The following AHRR variants were observed in gnomAD, a reference collection of about 807,000 sequenced individuals.
AHRR encodes the protein aryl hydrocarbon receptor repressor, also known as ahR repressor.
AHRR carries 28 observed loss-of-function variants against 44.0 expected under a neutral mutation model. That is an observed-to-expected ratio of 0.64 (90% CI 0.47 to 0.87). The LOEUF is 0.87. Among genes scored for constraint, AHRR ranks in the 40% least tolerant of loss-of-function variants. The probability of loss-of-function intolerance (pLI) is 0.00; values close to 1 mark genes in which losing one functional copy is unlikely to be tolerated. For synonymous variants in AHRR, 434 were observed against 407.0 expected, an observed-to-expected ratio of 1.07 and a Z score of -0.80; for missense variants, 990 against 953.9, an observed-to-expected ratio of 1.04 and a Z score of -0.50.
intron 8 of AHRR, among the ~76,000 whole-genome samples, chr5:429,323 G>C (rs1736612636): frequency 7.5e-6 from 1 of 132,762 alleles, no homozygotes; most frequent in Non-Finnish European, 1.7e-5. Context: ...GTGAGGTAGG[G>C]CCGGGGCCGC....
At chr5:328,752 C>T (rs772764973) in intron 1 of AHRR, among the ~76,000 whole-genome samples, 3 of 152,018 alleles carry the variant, frequency 2.0e-5, no homozygotes, top group African/African-American at 4.8e-5. Flanking sequence ...TTGTTGCCAT[C>T]GTTCAATTGT....
rs192267197 is a variant in AHRR at position 331,362 on chromosome 5, T to A, written c.-11+9543T>A. On this transcript the variant is annotated intron_variant, in intron 1 of 10. Coordinates refer to ENST00000684583, the MANE Select transcript of AHRR (RefSeq NM_001377236.1). ...TATAGTTGTTCATAATAGTCTCTGA[T>A]GATCTTTTGTATTTCTGTGGTATTA... Among the ~76,000 whole-genome samples the A allele has an allele frequency of 1.2e-3, 179 of 148,798 alleles. 1 individual carries two copies. Among genetic ancestry groups the A allele is most frequent in the Non-Finnish European group, 1.6e-3 (107 of 67,348 alleles).
chr5:337,842 G>A lies in AHRR; in HGVS notation c.-10-6051G>A, dbSNP rs1742196292. ...AGTTTGCTGAGTTGCCCTGTCTATG[G>A]CAGTGGTGAGCAGGAACACGAAAAA... On this transcript the variant is annotated intron_variant, in intron 1 of 10. Coordinates refer to ENST00000684583, the MANE Select transcript of AHRR (RefSeq NM_001377236.1). The surrounding 1 kb of genome is among the most constrained non-coding windows in gnomAD (Gnocchi z 4.1). Among the ~76,000 whole-genome samples the A allele has an allele frequency of 6.6e-6, 1 of 152,206 alleles. No individual in the cohort carries two copies. Among genetic ancestry groups the A allele is most frequent in the Admixed American group, 6.5e-5 (1 of 15,280 alleles).
intron 2 of AHRR, among the ~76,000 whole-genome samples, chr5:345,219 GGA>G (rs1742591870): frequency 1.5e-5 from 1 of 66,238 alleles, no homozygotes; most frequent in Non-Finnish European, 3.0e-5. Context: ...TGTGTGTGTC[GGA>G]TGATGTCCCT....
intron 2 of AHRR, among the ~76,000 whole-genome samples, chr5:351,403 G>A (rs73046934): frequency 0.021 from 3,155 of 152,274 alleles, 104 homozygotes; most frequent in African/African-American, 0.072. Context: ...CTCCATACAC[G>A]GGAATATTAC....
At chr5:376,509 A>G (rs1733665209) in intron 3 of AHRR, 101 bp from the exon 4 acceptor site, 5 of 1,265,494 alleles carry the variant, frequency 4.0e-6, no homozygotes, top group South Asian at 3.1e-5. Flanking sequence ...TCAGGTGAGA[A>G]CCGTGGGGTG....
intron 4 of AHRR, among the ~76,000 whole-genome samples, chr5:384,983 A>C (rs1050995267): frequency 4.6e-5 from 7 of 152,092 alleles, no homozygotes; most frequent in African/African-American, 1.4e-4. Context: ...GTCTCTACTA[A>C]AAATACAAAA....
intron 2 of AHRR, among the ~76,000 whole-genome samples, chr5:350,662 C>T (rs1437425000): frequency 6.6e-6 from 1 of 151,956 alleles, no homozygotes; most frequent in African/African-American, 2.4e-5. Flanking sequence ...ACAGGTGGGC[C>T]CCTCCAGCCA....
intron 1 of AHRR, among the ~76,000 whole-genome samples, chr5:335,476 G>A (rs981649895): frequency 6.6e-6 from 1 of 152,202 alleles, no homozygotes; most frequent in South Asian, 2.1e-4. Flanking sequence ...GGGTCCTCCA[G>A]GTCGCTGGAT....
At position 340,688 on chromosome 5, in the gene AHRR, ATTTTTTTTTTTTT is replaced by A. The variant is rs539789608; in HGVS notation, c.-10-3192_-10-3180del. The stretch of plus-strand genomic sequence containing the variant: ...ATTATATATATATATATATATATAT[ATTTTTTTTTTTTT>A]TTTTTTTTTTTTGAGTTGGAGTTTT... On this transcript the variant is annotated intron_variant, in intron 1 of 10. Coordinates refer to ENST00000684583, the MANE Select transcript of AHRR (RefSeq NM_001377236.1). Among the ~76,000 whole-genome samples, 4 of 12,928 alleles carry A rather than the reference ATTTTTTTTTTTTT, an allele frequency of 3.1e-4. 1 individual carries two copies. The South Asian group carries it at 0.016, about 52-fold the overall frequency. The allele number at this position is 12,928 out of a possible 152,430, so 8.5% of individuals were successfully genotyped here.
At chr5:384,969 C>G (rs1045705787) in intron 4 of AHRR, among the ~76,000 whole-genome samples, 2 of 151,704 alleles carry the variant, frequency 1.3e-5, no homozygotes, top group Non-Finnish European at 2.9e-5. Flanking sequence ...CATAGTGAAA[C>G]CCTGTCTCTA....
At chr5:341,255 T>C (rs980735776) in intron 1 of AHRR, among the ~76,000 whole-genome samples, 12 of 152,108 alleles carry the variant, frequency 7.9e-5, no homozygotes, top group African/African-American at 2.7e-4. Flanking sequence ...CCTCAGGTGA[T>C]CCACCTGCCT....
At chr5:366,450 A>G (rs201240190) in intron 3 of AHRR, among the ~76,000 whole-genome samples, 1 of 143,400 alleles carries the variant, frequency 7.0e-6, no homozygotes, top group African/African-American at 2.6e-5. Context: ...GAATAAGTAA[A>G]TAAGTTTTTC....
chr5:333,046 C>G (rs1741986788), intron 1 of AHRR, among the ~76,000 whole-genome samples: 1 of 151,348 alleles, frequency 6.6e-6, no homozygotes, highest in Non-Finnish European at 1.5e-5. Context: ...CCCCACCCCA[C>G]CCCCCGCCTT....
rs1383563875 is a variant in AHRR, at chr5:434,434, C to T, written c.1694C>T (p.Thr565Ile). The T allele has an allele frequency of 6.2e-7, 1 of 1,613,336 alleles. No individual in the cohort carries two copies. Among genetic ancestry groups the T allele is most frequent in the African/African-American group, 1.3e-5 (1 of 74,940 alleles). ...LGASDRSHPA[T>I]FPTRMHLKTE... Reference sequence around the variant, plus strand: ...GCCAGTGACAGGAGCCACCCAGCCACCTTCCCTACCAGGATGCACCTGAAA... The same window carrying T: ...GCCAGTGACAGGAGCCACCCAGCCATCTTCCCTACCAGGATGCACCTGAAA... Residue 565 changes from threonine (T) to isoleucine (I), a missense_variant, in exon 11 of 11, where the codon ACC becomes ATC. Thr to Ile is a moderately conservative substitution (Grantham distance 89). Transcript: ENST00000684583.
chr5:397,433 GTAGCTCCTGACCATCCATGT>G (rs1734776871), intron 4 of AHRR, among the ~76,000 whole-genome samples: 2 of 90,624 alleles, frequency 2.2e-5, no homozygotes, highest in African/African-American at 7.5e-5. Flanking sequence ...GACCATCCAC[GTAGCTCCTGACCATCCATGT>G]TAGCCCCTGA....
At chr5:328,995 T>C (rs1413400071) in intron 1 of AHRR, among the ~76,000 whole-genome samples, 1 of 152,098 alleles carries the variant, frequency 6.6e-6, no homozygotes, top group Non-Finnish European at 1.5e-5. Flanking sequence ...AATCCTCAGG[T>C]GTTTAGGGAG....
intron 5 of AHRR, among the ~76,000 whole-genome samples, chr5:415,395 G>A (rs2672726): frequency 0.23 from 10,067 of 43,778 alleles, 192 homozygotes; most frequent in Non-Finnish European, 0.36. Context: ...TAGGGGCCGA[G>A]TCTGCCTGGT....
intron 2 of AHRR, among the ~76,000 whole-genome samples, chr5:351,320 T>C (rs1742850887): frequency 6.6e-6 from 1 of 152,210 alleles, no homozygotes. Flanking sequence ...ACTGCACCGA[T>C]ACTCACGGCA....
Sources: gnomAD v4.1 joint callset for allele counts (sites outside exome capture counted in the v4.1 genomes callset) on GRCh38, gnomAD v4.1.1 for gene constraint, Gnocchi (gnomAD v3.1) non-coding constraint, MANE v1.5 for transcripts, NCBI Gene and HGNC (gene_info 2026-07-23, HGNC 2026-07-21) for gene names.